The following LRTM2 variants were observed in gnomAD, a reference collection of about 807,000 sequenced individuals.
LRTM2 encodes the protein leucine-rich repeat and transmembrane domain-containing protein 2.
In LRTM2, 18 loss-of-function variants were observed where a neutral mutation model predicts 28.1. The ratio of observed to expected loss-of-function variants is 0.64; its 90% confidence interval spans 0.44 to 0.95. The LOEUF (loss-of-function observed/expected upper bound fraction) is 0.95. LRTM2 is among the 40% of genes least tolerant of loss of function. LRTM2 has a pLI of 0.00. For missense variants in LRTM2, 436 were observed against 497.2 expected (o/e 0.88, Z 1.17); for synonymous variants, 250 against 218.7 (o/e 1.14, Z -1.26).
rs371580908 is a variant in LRTM2, at chr12:1,831,191, C to T, written c.324C>T (p.Pro108=). ...CCAACAACTTCCTGGACCGGCTGCCCCGCTCCATTTTCGGGGACCTGACGA... is the reference window on the plus strand; with the variant it reads ...CCAACAACTTCCTGGACCGGCTGCCTCGCTCCATTTTCGGGGACCTGACGA... The part of the protein sequence containing the change: ...DLSNNFLDRL[P]RSIFGDLTNL... Residue 108 remains proline, a synonymous_variant, in exon 4 of 5, where the codon CCC becomes CCT. Coordinates refer to ENST00000299194, the MANE Select transcript of LRTM2 (RefSeq NM_001039029.3). 6.2e-7 allele frequency: 1 copy of T among 1,613,884 alleles called. No individual in the cohort carries two copies. Among genetic ancestry groups the T allele is most frequent in the East Asian group, 2.2e-5 (1 of 44,886 alleles).
intron 1 of LRTM2, among the ~76,000 whole-genome samples, chr12:1,825,186 G>T (rs752029448): frequency 2.6e-5 from 4 of 152,236 alleles, no homozygotes; most frequent in Non-Finnish European, 5.9e-5. Context: ...GCCTTCACCA[G>T]CCTGTTTGCT....
At chr12:1,832,630 A>G (rs1306647755) in intron 4 of LRTM2, among the ~76,000 whole-genome samples, 1 of 152,212 alleles carries the variant, frequency 6.6e-6, no homozygotes, top group African/African-American at 2.4e-5. Context: ...GTGTTAGTTA[A>G]TTAAAAATGT....
intron 1 of LRTM2, among the ~76,000 whole-genome samples, chr12:1,825,019 T>C (rs1209629656): frequency 6.6e-6 from 1 of 152,178 alleles, no homozygotes; most frequent in African/African-American, 2.4e-5. Flanking sequence ...GGGGCCTTGT[T>C]TTCATCACAT....
chr12:1,826,400 GC>G (rs150016230), intron 1 of LRTM2, among the ~76,000 whole-genome samples: 585 of 56,982 alleles, frequency 0.01, 1 homozygote, highest in Non-Finnish European at 0.013. Flanking sequence ...TGAACCCAGA[GC>G]CCCCCCCCCC....
rs749530595 is a variant in LRTM2, at chr12:1,834,738, G to A, written c.*17G>A. 255 of 1,570,266 alleles carry A rather than the reference G, an allele frequency of 1.6e-4. 1 individual carries two copies. The highest frequency in any genetic ancestry group is 2.0e-4 in the East Asian group (9 of 44,378). On this transcript the variant is annotated 3_prime_UTR_variant, in exon 5 of 5. Coordinates refer to ENST00000299194, the MANE Select transcript of LRTM2 (RefSeq NM_001039029.3). This position sits in a 1 kb window ranked among gnomAD's most constrained non-coding sequence, Gnocchi z 7.6. ...GTGGCCTGAGCGCCCATCCCCACCC[G>A]GCCAGGTAGGAAGGGCGGGGAGAGC...
rs1864542619 is a variant in LRTM2, at chr12:1,829,902, T to C, written c.68-1033T>C. ...TTTCACGATGAGCAGGCTTCTCTGCTACTCAGGAGGACACTTAGGGGTTTT... is the reference window on the plus strand; with the variant it reads ...TTTCACGATGAGCAGGCTTCTCTGCCACTCAGGAGGACACTTAGGGGTTTT... On this transcript the variant is annotated intron_variant, in intron 3 of 4. Coordinates refer to ENST00000299194, the MANE Select transcript of LRTM2 (RefSeq NM_001039029.3). The surrounding 1 kb of genome is among the most constrained non-coding windows in gnomAD (Gnocchi z 4.2). Among the ~76,000 whole-genome samples, 1 of 152,122 alleles carries C rather than the reference T, an allele frequency of 6.6e-6. No homozygotes were observed. Among genetic ancestry groups the C allele is most frequent in the Non-Finnish European group, 1.5e-5 (1 of 68,018 alleles).
intron 1 of LRTM2, among the ~76,000 whole-genome samples, chr12:1,825,351 C>T (rs908348910): frequency 4.6e-5 from 7 of 152,194 alleles, no homozygotes; most frequent in African/African-American, 1.7e-4. Flanking sequence ...TATCTGCCTG[C>T]GGCAAGCCAG....
rs1864744659 is a variant in LRTM2 at position 1,834,081 on chromosome 12, G to A, written c.659-186G>A. Among the ~76,000 whole-genome samples, 1 of 152,184 alleles carries A rather than the reference G, an allele frequency of 6.6e-6. No homozygotes were observed. The highest frequency in any genetic ancestry group is 2.4e-5 in the African/African-American group (1 of 41,458). On this transcript the variant is annotated intron_variant, in intron 4 of 4. Transcript: ENST00000299194. The surrounding 1 kb of genome is among the most constrained non-coding windows in gnomAD (Gnocchi z 7.6). ...GGCACGATATACGTAACTCACTGTG[G>A]ACTTGGCTCAATCAATGCTGTTTTC... is the stretch of plus-strand genomic sequence containing the variant.
Position 1,828,072 on chromosome 12 carries a change from T to C in LRTM2, c.-73-4T>C. On this transcript the variant is annotated splice_region_variant and splice_polypyrimidine_tract_variant and intron_variant, in intron 2 of 4. Transcript: ENST00000299194. This position sits in a 1 kb window ranked among gnomAD's most constrained non-coding sequence, Gnocchi z 4.2. ...CCTGTGCTCAGTGCTCCTCCCTCCC[T>C]CAGGACTGACAGGCGGCGCACCCAG... 1 of 1,383,074 alleles carries C rather than the reference T, an allele frequency of 7.2e-7. No homozygotes were observed. The highest frequency in any genetic ancestry group is 1.5e-5 in the South Asian group (1 of 67,038). 85.7% of individuals were successfully genotyped at this position (1,383,074 alleles called of 1,614,324 possible).
chr12:1,828,772 C>T lies in LRTM2; in HGVS notation c.67+557C>T, dbSNP rs1020371128. ...TGGAAGAGACTTTGGGGAGTGGGTC[C>T]AACCCCTCCTGCATATAGGCAGACT... On this transcript the variant is annotated intron_variant, in intron 3 of 4. Coordinates refer to ENST00000299194, the MANE Select transcript of LRTM2 (RefSeq NM_001039029.3). This position sits in a 1 kb window ranked among gnomAD's most constrained non-coding sequence, Gnocchi z 4.2. Among the ~76,000 whole-genome samples, 1 of 152,180 alleles carries T rather than the reference C, an allele frequency of 6.6e-6. No individual in the cohort carries two copies. The highest frequency in any genetic ancestry group is 1.5e-5 in the Non-Finnish European group (1 of 68,034).
Position 1,833,433 on chromosome 12 carries a change from G to C in LRTM2, c.659-834G>C, listed in dbSNP as rs1342858355. Among the ~76,000 whole-genome samples, 1 of 152,144 alleles carries C rather than the reference G, an allele frequency of 6.6e-6. No homozygotes were observed. The highest frequency in any genetic ancestry group is 1.5e-5 in the Non-Finnish European group (1 of 68,016). The stretch of plus-strand genomic sequence containing the variant: ...CTCACCCCAGCCCTGTCCTGCATCT[G>C]TGTCTCCCTCTGTCCAAGCCAGCCT... On this transcript the variant is annotated intron_variant, in intron 4 of 4. Coordinates refer to ENST00000299194, the MANE Select transcript of LRTM2 (RefSeq NM_001039029.3). This position sits in a 1 kb window ranked among gnomAD's most constrained non-coding sequence, Gnocchi z 4.2.
rs781712243 is a variant in LRTM2, at chr12:1,834,796, G to T, written c.*75G>T. The T allele has an allele frequency of 4.1e-5, 61 of 1,486,738 alleles. No homozygotes were observed. Among genetic ancestry groups the T allele is most frequent in the Non-Finnish European group, 5.3e-5 (60 of 1,122,734 alleles). 92.1% of individuals were successfully genotyped at this position (1,486,738 alleles called of 1,614,324 possible). ...ATTGCTCAGCCACAGCTCCCACCTT[G>T]ACCCGGCGCTGGCCACTGCCTCCCC... On this transcript the variant is annotated 3_prime_UTR_variant, in exon 5 of 5. Coordinates refer to ENST00000299194, the MANE Select transcript of LRTM2 (RefSeq NM_001039029.3). The surrounding 1 kb of genome is among the most constrained non-coding windows in gnomAD (Gnocchi z 7.6).
chr12:1,823,428 C>T (rs746647679), intron 1 of LRTM2, among the ~76,000 whole-genome samples: 7 of 152,104 alleles, frequency 4.6e-5, no homozygotes, highest in Non-Finnish European at 8.8e-5. Flanking sequence ...GCGGCTGTTC[C>T]GTGCTCTGAG....
At chr12:1,823,971 A>T (rs1158897517) in intron 1 of LRTM2, among the ~76,000 whole-genome samples, 4 of 152,248 alleles carry the variant, frequency 2.6e-5, no homozygotes, top group Non-Finnish European at 4.4e-5. Context: ...GAGCCATATG[A>T]TTCCATTTGC....
chr12:1,832,280 T>A (rs1302639731), intron 4 of LRTM2, among the ~76,000 whole-genome samples: 1 of 152,212 alleles, frequency 6.6e-6, no homozygotes, highest in East Asian at 1.9e-4. Context: ...CCTTTCGCTG[T>A]GGCAGGGCCT....
At position 1,829,882 on chromosome 12, in the gene LRTM2, C is replaced by T. The variant is rs12827147; in HGVS notation, c.68-1053C>T. The stretch of plus-strand genomic sequence containing the variant: ...TTGAATTCTTCCCAGTTCTCTTTCA[C>T]GATGAGCAGGCTTCTCTGCTACTCA... On this transcript the variant is annotated intron_variant, in intron 3 of 4. Transcript: ENST00000299194. The surrounding 1 kb of genome is among the most constrained non-coding windows in gnomAD (Gnocchi z 4.2). Among the ~76,000 whole-genome samples, 22,164 of 151,976 alleles carry T rather than the reference C, an allele frequency of 0.15. 1,927 individuals carry two copies. Among genetic ancestry groups the T allele is most frequent in the Non-Finnish European group, 0.19 (12,783 of 67,918 alleles).
At chr12:1,822,482 C>G (rs563372821) in intron 1 of LRTM2, among the ~76,000 whole-genome samples, 10 of 146,546 alleles carry the variant, frequency 6.8e-5, no homozygotes, top group African/African-American at 2.5e-4. Context: ...GGACACCACC[C>G]TGAGCCCGGC....
chr12:1,822,658 G>C, intron 1 of LRTM2, among the ~76,000 whole-genome samples: 1 of 152,260 alleles, frequency 6.6e-6, no homozygotes, highest in East Asian at 1.9e-4. Context: ...GATGGGGCAT[G>C]TGTTTTAAAA....
At position 1,828,374 on chromosome 12, in the gene LRTM2, G is replaced by T. The variant is rs1004933825; in HGVS notation, c.67+159G>T. On this transcript the variant is annotated intron_variant, in intron 3 of 4. Coordinates refer to ENST00000299194, the MANE Select transcript of LRTM2 (RefSeq NM_001039029.3). The surrounding 1 kb of genome is among the most constrained non-coding windows in gnomAD (Gnocchi z 4.2). ...CGAGGCTATGTTCTGGGAAGCCAGG[G>T]TCACGCCCACGGTGACAGCATCCCT... Among the ~76,000 whole-genome samples the T allele has an allele frequency of 6.6e-6, 1 of 152,230 alleles. No homozygotes were observed. The highest frequency in any genetic ancestry group is 1.5e-5 in the Non-Finnish European group (1 of 68,030).
Sources: allele counts gnomAD v4.1 joint callset (sites outside exome capture counted in the v4.1 genomes callset), GRCh38; gene constraint gnomAD v4.1.1; non-coding constraint Gnocchi (gnomAD v3.1); transcripts MANE v1.5; gene names NCBI Gene and HGNC (gene_info 2026-07-23, HGNC 2026-07-21).